The following CLU variants were observed in gnomAD, a reference collection of about 807,000 sequenced individuals.
The protein encoded by CLU is clusterin, also known as aging-associated protein 4.
Under a neutral mutation model 46.4 loss-of-function variants are expected in CLU, and 25 were observed. The observed-to-expected ratio is 0.54, with a 90% CI of 0.39 to 0.75. The LOEUF is 0.75. Among genes scored for constraint, CLU ranks in the 30% least tolerant of loss-of-function variants. CLU has a pLI of 0.00. For synonymous variants in CLU, 235 were observed against 235.1 expected (o/e 1.00, Z 0.00); for missense variants, 504 against 592.1 (o/e 0.85, Z 1.54).
rs145951206 is a variant in CLU at position 27,614,671 on chromosome 8, G to A, written c.-46C>T. The A allele has an allele frequency of 3.8e-6, 2 of 532,220 alleles. No homozygotes were observed. The highest frequency in any genetic ancestry group is 7.7e-6 in the Non-Finnish European group (2 of 258,354). 33.0% of individuals were successfully genotyped at this position (532,220 alleles called of 1,614,324 possible). A position where few individuals can be genotyped will look rare whatever the true frequency, so the allele number is the denominator to read the frequency against. ...ACATCTCACCGGTCAGCGGCACCCT[G>A]TGCCCGCGCGCTCCTCCTGGCGACG... On this transcript the variant is annotated 5_prime_UTR_variant, in exon 1 of 9. Coordinates refer to ENST00000316403, the MANE Select transcript of CLU (RefSeq NM_001831.4).
Position 27,597,707 on chromosome 8 carries a change from TTATAA to T in CLU, c.*529_*533del, listed in dbSNP as rs1411246818. ...CCTTGGTCAGAATACATCGACAGTT[TTATAA>T]TAGAACAGAAAAGCTTCCATTTGCA... is the stretch of plus-strand genomic sequence containing the variant. On this transcript the variant is annotated 3_prime_UTR_variant, in exon 9 of 9. Transcript: ENST00000316403. The T allele has an allele frequency of 4.4e-6, 2 of 454,150 alleles. No individual in the cohort carries two copies. The highest frequency in any genetic ancestry group is 4.0e-5 in the African/African-American group (2 of 50,008). The allele number at this position is 454,150 out of a possible 1,614,324, so 28.1% of individuals were successfully genotyped here.
At chr8:27,607,453 A>G (rs1187220702) in intron 3 of CLU, among the ~76,000 whole-genome samples, 3 of 152,196 alleles carry the variant, frequency 2.0e-5, no homozygotes, top group Non-Finnish European at 4.4e-5. Context: ...TGGCAAAAAA[A>G]AAAAAATCAG....
Position 27,614,657 on chromosome 8 carries a change from G to T in CLU, c.-32C>A. The T allele has an allele frequency of 1.9e-6, 1 of 529,306 alleles. No individual in the cohort carries two copies. The highest frequency in any genetic ancestry group is 3.9e-6 in the Non-Finnish European group (1 of 256,250). The allele number at this position is 529,306 out of a possible 1,614,324, so 32.8% of individuals were successfully genotyped here. A position where few individuals can be genotyped will look rare whatever the true frequency, so the allele number is the denominator to read the frequency against. ...TAGGGAAGACGGGGACATCTCACCG[G>T]TCAGCGGCACCCTGTGCCCGCGCGC... is the stretch of plus-strand genomic sequence containing the variant. On this transcript the variant is annotated splice_region_variant and 5_prime_UTR_variant, in exon 1 of 9. Coordinates refer to ENST00000316403, the MANE Select transcript of CLU (RefSeq NM_001831.4).
chr8:27,607,379 A>G (rs1308935404), intron 3 of CLU, among the ~76,000 whole-genome samples: 1 of 147,872 alleles, frequency 6.8e-6, no homozygotes, highest in African/African-American at 2.5e-5. Flanking sequence ...CAAAGACTCT[A>G]TCTCAAAGGA....
At position 27,605,082 on chromosome 8, in the gene CLU, C is replaced by T. The variant is rs371391024; in HGVS notation, c.671G>A (p.Arg224His). The change falls in exon 5 of 9, where the codon CGC becomes CAC. Residue 224 changes from arginine (R) to histidine (H), a missense_variant. This residue lies in a region of CLU where 428 missense variants were observed against 484.0 expected (regional missense o/e 0.88). Coordinates refer to ENST00000316403, the MANE Select transcript of CLU (RefSeq NM_001831.4). ...GAAGGGCATCAAGCTGCGGACGATG[C>T]GGGACTTGGGAAAGAAGAAGTGAGG... ...RRPHFFFPKS[R>H]IVRSLMPFSP... 1.1e-5 allele frequency: 17 copies of T among 1,613,860 alleles called. No homozygotes were observed. Among genetic ancestry groups the T allele is most frequent in the South Asian group, 5.5e-5 (5 of 91,060 alleles).
At position 27,605,106 on chromosome 8, in the gene CLU, G is replaced by A. The variant is rs1325038221; in HGVS notation, c.647C>T (p.Pro216Leu). ...GCGGGACTTGGGAAAGAAGAAGTGA[G>A]GCCTCCGGTGGGGCAGGCTGAAGGG... ...YLPFSLPHRRPHFFFPKSRIV... is the reference protein window; with the variant it reads ...YLPFSLPHRRLHFFFPKSRIV... The change falls in exon 5 of 9, where the codon CCT becomes CTT. Residue 216 changes from proline to leucine, a missense_variant. Around this residue, in one of 3 missense-constraint regions of CLU, gnomAD observed 428 missense variants for 484.0 expected, o/e 0.88. Transcript: ENST00000316403. 2.5e-6 allele frequency: 4 copies of A among 1,614,056 alleles called. No individual in the cohort carries two copies.
chr8:27,610,644 GCT>G, intron 1 of CLU, 44 bp from the exon 2 acceptor site: 1 of 1,503,062 alleles, frequency 6.7e-7, no homozygotes. Context: ...TAGACAGCCT[GCT>G]GGCGTCCCGC....
At chr8:27,610,901 C>G (rs1285154742) in intron 1 of CLU, 3 of 397,630 alleles carry the variant, frequency 7.5e-6, no homozygotes, top group Admixed American at 3.6e-5. Context: ...ACATCCTCCC[C>G]GACAATCAGC....
chr8:27,611,367 G>T (rs1268024822), intron 1 of CLU: 1 of 456,716 alleles, frequency 2.2e-6, no homozygotes, highest in Non-Finnish European at 4.4e-6. Flanking sequence ...GAGTCCTCTT[G>T]CTCTGCCAGG....
chr8:27,602,687 C>T (rs990825382), intron 6 of CLU, among the ~76,000 whole-genome samples: 8 of 151,956 alleles, frequency 5.3e-5, no homozygotes, highest in African/African-American at 1.9e-4. Flanking sequence ...TGGTTGCAAG[C>T]ACCTTAAATA....
chr8:27,609,485 A>G (rs562838362), intron 2 of CLU, among the ~76,000 whole-genome samples: 3 of 152,220 alleles, frequency 2.0e-5, no homozygotes, highest in African/African-American at 7.2e-5. Context: ...GTTCAGTTTA[A>G]ACAGATATGT....
chr8:27,605,421 G>A, intron 4 of CLU, 86 bp from the exon 5 acceptor site: 1 of 1,430,682 alleles, frequency 7.0e-7, no homozygotes, highest in Non-Finnish European at 9.7e-7. Flanking sequence ...AGCCAGGCCA[G>A]GCCCTGCCCA....
intron 1 of CLU, chr8:27,611,466 G>A (rs1222470774): frequency 2.2e-6 from 1 of 456,010 alleles, no homozygotes; most frequent in Admixed American, 2.3e-5. Context: ...CTGAGCCACG[G>A]GGCACAGGCC....
rs376113829 is a variant in CLU at position 27,598,472 on chromosome 8, C to A, written c.1328G>T (p.Arg443Leu). The change falls in exon 8 of 9, where the codon CGC becomes CTC. Residue 443 changes from arginine to leucine, a missense_variant. By Grantham distance (102) the Arg-to-Leu change is moderately radical. This residue lies in a region of CLU where 428 missense variants were observed against 484.0 expected (regional missense o/e 0.88). Transcript: ENST00000316403. ...CCCGCCTGCTTACCGGTGCTTTTTG[C>A]GGTATTCCTGCAGCGCTTTCTCCGC... is the stretch of plus-strand genomic sequence containing the variant. ...TVAEKALQEY[R>L]KKHREE is the part of the protein sequence containing the mutation. The A allele has an allele frequency of 3.7e-6, 6 of 1,613,948 alleles. No individual in the cohort carries two copies. The highest frequency in any genetic ancestry group is 5.1e-6 in the Non-Finnish European group (6 of 1,179,990).
intron 3 of CLU, 84 bp from the exon 4 acceptor site, chr8:27,606,608 G>A (rs973826375): frequency 5.8e-6 from 9 of 1,555,470 alleles, no homozygotes; most frequent in African/African-American, 2.7e-5. Context: ...CAGGCCCTCT[G>A]CCCCAGGGCA....
At chr8:27,611,225 T>C (rs1800922023) in intron 1 of CLU, 1 of 454,212 alleles carries the variant, frequency 2.2e-6, no homozygotes, top group African/African-American at 2.0e-5. Context: ...AGTGGGAGAC[T>C]TGGGCCGGGC....
chr8:27,612,925 T>C (rs779354823), intron 1 of CLU, among the ~76,000 whole-genome samples: 4 of 116,476 alleles, frequency 3.4e-5, no homozygotes, highest in Non-Finnish European at 6.7e-5. Context: ...AAGGGGCTGC[T>C]CAGGGGAAGA....
At chr8:27,610,749 G>A (rs9331891) in intron 1 of CLU, 149 bp from the exon 2 acceptor site, 12 of 650,888 alleles carry the variant, frequency 1.8e-5, no homozygotes, top group Admixed American at 1.4e-4. Context: ...GAGGAAATGG[G>A]GGGAAATGAC....
intron 1 of CLU, chr8:27,611,734 A>C: frequency 2.2e-6 from 1 of 457,780 alleles, no homozygotes; most frequent in Non-Finnish European, 4.4e-6. Context: ...TCTCATGAGA[A>C]GTAATCAGGC....
Sources: gnomAD v4.1 joint callset for allele counts (sites outside exome capture counted in the v4.1 genomes callset) on GRCh38, gnomAD v4.1.1 for gene constraint, gnomAD v4.1.1 regional missense constraint, MANE v1.5 for transcripts, NCBI Gene and HGNC (gene_info 2026-07-23, HGNC 2026-07-21) for gene names.